SLC1A7: variants seen among roughly 807,000 people sequenced by gnomAD.
SLC1A7 encodes the protein solute carrier family 1 member 7.
SLC1A7 carries 40 observed loss-of-function variants against 47.7 expected under a neutral mutation model. That is an observed-to-expected ratio of 0.84 (90% confidence interval 0.65 to 1.09). The LOEUF is 1.09. SLC1A7 is among the 50% of genes least tolerant of loss of function. The pLI is 0.00. For missense variants in SLC1A7, 746 were observed against 769.5 expected (o/e 0.97, Z 0.36); for synonymous variants, 323 against 325.6 (o/e 0.99, Z 0.09).
At chr1:53,125,059 C>T (rs566267234) in intron 2 of SLC1A7, among the ~76,000 whole-genome samples, 253 of 152,246 alleles carry the variant, frequency 1.7e-3, no homozygotes, top group African/African-American at 5.6e-3. Flanking sequence ...AGTAAGGCTC[C>T]CAGGCCCTGA....
At chr1:53,119,107 C>T (rs940213317) in intron 2 of SLC1A7, among the ~76,000 whole-genome samples, 2 of 152,122 alleles carry the variant, frequency 1.3e-5, no homozygotes, top group Non-Finnish European at 2.9e-5. Flanking sequence ...TCCTCTGACT[C>T]GTGGCTGTTG....
At chr1:53,088,793 G>A (rs965498812) in intron 10 of SLC1A7, 84 bp downstream of exon 10, 87 of 992,762 alleles carry the variant, frequency 8.8e-5, no homozygotes, top group East Asian at 7.8e-5. Flanking sequence ...GGAGGCTGCC[G>A]AGCTGGTTGG....
At chr1:53,137,554 G>A (rs1645014522) in intron 1 of SLC1A7, among the ~76,000 whole-genome samples, 1 of 151,892 alleles carries the variant, frequency 6.6e-6, no homozygotes, top group African/African-American at 2.4e-5. Context: ...CAATTTTTTA[G>A]TAAATCAAGA....
rs139408633 is a variant in SLC1A7, at chr1:53,092,573, C to T, written c.1012G>A (p.Ala338Thr). ...GGCTACCTGGAGGAGGTGGCCAGCG[C>T]GATGAGCAGAGCCTGCAGGATGCCA... ...IRGILQALLI[A>T]LATSSSSATL... The change falls in exon 7 of 11, where the codon GCG (alanine) becomes ACG (threonine). Residue 338 changes from alanine (A) to threonine (T), a missense_variant. By Grantham distance (58) the Ala-to-Thr change is moderately conservative (BLOSUM62 0). Transcript: ENST00000371494. 4 of 1,613,794 alleles carry T rather than the reference C, an allele frequency of 2.5e-6. No homozygotes were observed. The highest frequency in any genetic ancestry group is 1.3e-5 in the African/African-American group (1 of 74,914).
At chr1:53,111,852 C>T (rs1328795569) in intron 3 of SLC1A7, among the ~76,000 whole-genome samples, 1 of 152,164 alleles carries the variant, frequency 6.6e-6, no homozygotes, top group African/African-American at 2.4e-5. Context: ...AGTAAGCAAA[C>T]ACAGAACAGA....
intron 1 of SLC1A7, among the ~76,000 whole-genome samples, chr1:53,139,539 A>G (rs915149808): frequency 4.6e-5 from 7 of 152,166 alleles, no homozygotes; most frequent in African/African-American, 1.2e-4. Context: ...GAAGGTCCCT[A>G]GGGGTCTAAC....
chr1:53,137,287 C>CAAAAAA (rs60113708), intron 1 of SLC1A7, among the ~76,000 whole-genome samples: 2 of 100,748 alleles, frequency 2.0e-5, no homozygotes, highest in African/African-American at 3.9e-5. Context: ...ACGCTATCTC[C>CAAAAAA]AAAAAAAAAA....
chr1:53,113,035 C>A (rs558845497), intron 3 of SLC1A7, among the ~76,000 whole-genome samples: 4 of 152,172 alleles, frequency 2.6e-5, no homozygotes, highest in African/African-American at 9.7e-5. Flanking sequence ...AAACTCACCA[C>A]GACCCTCTTC....
chr1:53,100,642 C>T (rs1368395624), intron 5 of SLC1A7, among the ~76,000 whole-genome samples: 3 of 151,850 alleles, frequency 2.0e-5, no homozygotes, highest in Non-Finnish European at 4.4e-5. Context: ...TCGGTACACT[C>T]ACACACCTTT....
chr1:53,134,641 G>C (rs115792186), intron 1 of SLC1A7, among the ~76,000 whole-genome samples: 1,589 of 152,164 alleles, frequency 0.01, 27 homozygotes, highest in African/African-American at 0.036. Flanking sequence ...CAAGCTGTGT[G>C]GCCTTAAGCA....
At chr1:53,130,386 C>T (rs1644930341) in intron 2 of SLC1A7, among the ~76,000 whole-genome samples, 1 of 152,136 alleles carries the variant, frequency 6.6e-6, no homozygotes, top group African/African-American at 2.4e-5. Context: ...GCTGTTTGTC[C>T]TGGAGAGGAG....
chr1:53,137,209 C>A (rs1273373376), intron 1 of SLC1A7, among the ~76,000 whole-genome samples: 8 of 147,242 alleles, frequency 5.4e-5, no homozygotes, highest in African/African-American at 1.8e-4. Context: ...TTCGCTTGAA[C>A]CCAGGAGGCG....
At chr1:53,129,042 G>A (rs2150342306) in intron 2 of SLC1A7, among the ~76,000 whole-genome samples, 1 of 140,368 alleles carries the variant, frequency 7.1e-6, no homozygotes, top group East Asian at 2.1e-4. Flanking sequence ...TGCTGGTCAT[G>A]GTGGCGGGTG....
chr1:53,104,891 T>C (rs1644623054), intron 4 of SLC1A7, among the ~76,000 whole-genome samples: 2 of 152,206 alleles, frequency 1.3e-5, no homozygotes, highest in Non-Finnish European at 2.9e-5. Flanking sequence ...ACAAGGACAT[T>C]CACCACAATT....
chr1:53,096,772 C>G (rs1644497365), intron 5 of SLC1A7, among the ~76,000 whole-genome samples: 1 of 151,640 alleles, frequency 6.6e-6, no homozygotes, highest in Admixed American at 6.6e-5. Context: ...GGTACACTCA[C>G]AGATACTGCC....
At chr1:53,090,577 C>G in intron 8 of SLC1A7, 35 bp downstream of exon 8, 1 of 1,532,206 alleles carries the variant, frequency 6.5e-7, no homozygotes, top group South Asian at 1.3e-5. Flanking sequence ...CCCCAGCCCC[C>G]GCCCCATCCA....
In SLC1A7 at chr1:53,090,294, A is replaced by G. The variant is rs899602421; in HGVS notation, c.1226+318T>C. On this transcript the variant is annotated intron_variant, in intron 8 of 10. Transcript: ENST00000371494. ...TCTGGGGCCTGGCCTCCAGGGTCAGACCTGTGTGCTTGGCTGGGCTGTGAG... is the reference window on the plus strand; with the variant it reads ...TCTGGGGCCTGGCCTCCAGGGTCAGGCCTGTGTGCTTGGCTGGGCTGTGAG... The G allele has an allele frequency of 7.4e-6, 4 of 540,354 alleles. No individual in the cohort carries two copies. The Admixed American group carries it at 1.4e-4, about 19-fold the overall frequency. 33.5% of individuals were successfully genotyped at this position (540,354 alleles called of 1,614,324 possible).
intron 4 of SLC1A7, 73 bp downstream of exon 4, chr1:53,105,659 G>T: frequency 1.7e-6 from 2 of 1,160,396 alleles, no homozygotes; most frequent in Non-Finnish European, 2.6e-6. Flanking sequence ...TCCCAGCCAT[G>T]CCACTAGCCC....
chr1:53,141,770 C>T (rs559860928), intron 1 of SLC1A7, among the ~76,000 whole-genome samples: 1 of 152,236 alleles, frequency 6.6e-6, no homozygotes, highest in Admixed American at 6.5e-5. Context: ...CCTCTCCACT[C>T]AGCACCTGAG....
Sources: gnomAD v4.1 joint callset for allele counts (sites outside exome capture counted in the v4.1 genomes callset) on GRCh38, gnomAD v4.1.1 for gene constraint, MANE v1.5 for transcripts, NCBI Gene and HGNC (gene_info 2026-07-23, HGNC 2026-07-21) for gene names.